SMARCA2: variants seen among roughly 807,000 people sequenced by gnomAD.
The protein encoded by SMARCA2 is SWI/SNF-related matrix-associated actin-dependent regulator of chromatin subfamily A member 2.
Under a neutral mutation model 199.8 loss-of-function variants are expected in SMARCA2, and 61 were observed. The ratio of observed to expected loss-of-function variants is 0.31; its 90% confidence interval spans 0.25 to 0.38. The LOEUF is 0.38. SMARCA2 is among the 10% of genes least tolerant of loss of function. The pLI, the probability that SMARCA2 is intolerant of heterozygous loss-of-function variation, is 1.00. For synonymous variants in SMARCA2, 935 were observed against 732.0 expected (o/e 1.28, Z -4.48); for missense variants, 1,344 against 2,012.2 (o/e 0.67, Z 6.35).
At chr9:2,127,040 AC>A (rs1823727446) in intron 27 of SMARCA2, among the ~76,000 whole-genome samples, 1 of 152,146 alleles carries the variant, frequency 6.6e-6, no homozygotes, top group South Asian at 2.1e-4. Context: ...TCTGGATTGA[AC>A]TTTTCTACCT....
At chr9:2,152,442 C>T (rs1453467014) in intron 27 of SMARCA2, among the ~76,000 whole-genome samples, 1 of 151,998 alleles carries the variant, frequency 6.6e-6, no homozygotes. Context: ...TGCCTGTAAT[C>T]CCAGCTACTT....
intron 16 of SMARCA2, among the ~76,000 whole-genome samples, chr9:2,083,632 AT>A (rs1342309961): frequency 6.6e-6 from 1 of 152,238 alleles, no homozygotes; most frequent in Non-Finnish European, 1.5e-5. Flanking sequence ...TAATTATCAT[AT>A]TGCAAGGTTT....
chr9:2,114,463 C>T lies in SMARCA2; in HGVS notation c.3457-1359C>T, dbSNP rs150833583. On this transcript the variant is annotated intron_variant, in intron 24 of 33. Transcript: ENST00000349721. ...TTGTCTGGTCAAGAAGACGGGTTTA[C>T]AGCTGTTGAGCATCAGCTCTCTGCA... Among the ~76,000 whole-genome samples the T allele has an allele frequency of 3.2e-3, 483 of 152,320 alleles. 1 individual carries two copies. Among genetic ancestry groups the T allele is most frequent in the Non-Finnish European group, 4.6e-3 (316 of 68,026 alleles).
rs781572572 is a variant in SMARCA2, at chr9:2,039,514, C to G, written c.404C>G (p.Ser135Cys). 1.2e-6 allele frequency: 2 copies of G among 1,614,156 alleles called. No individual in the cohort carries two copies. Among genetic ancestry groups the G allele is most frequent in the South Asian group, 1.1e-5 (1 of 91,078 alleles). Residue 135 changes from serine (S) to cysteine (C), a missense_variant, in exon 4 of 34, where the codon TCC (serine) becomes TGC (cysteine). Transcript: ENST00000349721. The surrounding 1 kb of genome is among the most constrained non-coding windows in gnomAD (Gnocchi z 4.8). Reference protein sequence around the residue: ...PSPLGAPEHVSSPMSGGGPTP... With the variant: ...PSPLGAPEHVCSPMSGGGPTP... ...CCATTAGGAGCCCCAGAGCACGTCT[C>G]CAGCCCTATGTCTGGAGGAGGCCCA...
intron 29 of SMARCA2, among the ~76,000 whole-genome samples, chr9:2,176,662 C>A (rs1230710287): frequency 6.6e-6 from 1 of 152,098 alleles, no homozygotes; most frequent in Non-Finnish European, 1.5e-5. Context: ...AGCGATCCTC[C>A]CACCTCAGCC....
At chr9:2,131,807 G>A (rs1823969787) in intron 27 of SMARCA2, among the ~76,000 whole-genome samples, 2 of 152,082 alleles carry the variant, frequency 1.3e-5, no homozygotes, top group South Asian at 4.2e-4. Flanking sequence ...GGGCGTGGTG[G>A]CGGGTGCCTG....
At position 2,169,182 on chromosome 9, in the gene SMARCA2, C is replaced by A. The variant is rs1826103011; in HGVS notation, c.4200-1237C>A. ...ACCCGTTCACCTGCCTCCTCACCCC[C>A]TGTCTTCCTGAGGCCCTTGCACTGC... On this transcript the variant is annotated intron_variant, in intron 28 of 33. Transcript: ENST00000349721. The surrounding 1 kb of genome is among the most constrained non-coding windows in gnomAD (Gnocchi z 6.5). Among the ~76,000 whole-genome samples, 1 of 152,200 alleles carries A rather than the reference C, an allele frequency of 6.6e-6. No individual in the cohort carries two copies. Among genetic ancestry groups the A allele is most frequent in the Non-Finnish European group, 1.5e-5 (1 of 68,036 alleles).
intron 5 of SMARCA2, among the ~76,000 whole-genome samples, chr9:2,053,166 A>G (rs1028616483): frequency 2.0e-5 from 3 of 151,948 alleles, no homozygotes; most frequent in Non-Finnish European, 1.5e-5. Context: ...TATTGTTGCC[A>G]TCTTTATGTC....
chr9:2,160,568 T>C (rs371471187), intron 27 of SMARCA2: 2 of 701,944 alleles, frequency 2.8e-6, no homozygotes, highest in East Asian at 2.7e-5. Context: ...TTGATTGTTA[T>C]ACTCACATGA....
chr9:2,116,021 C>T lies in SMARCA2; in HGVS notation c.3656C>T (p.Ala1219Val), dbSNP rs1206702590. The T allele has an allele frequency of 1.2e-6, 2 of 1,613,798 alleles. No homozygotes were observed. Among genetic ancestry groups the T allele is most frequent in the Non-Finnish European group, 1.7e-6 (2 of 1,179,738 alleles). Reference protein sequence around the residue: ...SSHERRAFLQAILEHEEENEE... With the variant: ...SSHERRAFLQVILEHEEENEE... ...CACGAGCGGAGGGCATTCCTGCAGG[C>T]CATCTTGGAGCATGAGGAGGAAAAT... Residue 1219 changes from alanine to valine, a missense_variant, in exon 25 of 34, where the codon GCC becomes GTC. By Grantham distance (64) the Ala-to-Val change is moderately conservative. Transcript: ENST00000349721.
intron 24 of SMARCA2, among the ~76,000 whole-genome samples, chr9:2,113,875 C>T (rs1411389132): frequency 6.6e-6 from 1 of 152,100 alleles, no homozygotes; most frequent in African/African-American, 2.4e-5. Context: ...CTGACCTGCC[C>T]CTTGTTTTTG....
At chr9:2,113,226 A>G (rs1040945329) in intron 24 of SMARCA2, among the ~76,000 whole-genome samples, 3 of 152,184 alleles carry the variant, frequency 2.0e-5, no homozygotes, top group African/African-American at 7.2e-5. Context: ...GACCCTACCT[A>G]GAAGCAAAGA....
chr9:2,160,426 TCCCAC>T, intron 27 of SMARCA2: 1 of 548,040 alleles, frequency 1.8e-6, no homozygotes, highest in Non-Finnish European at 3.2e-6. Flanking sequence ...TTTTTAAAAA[TCCCAC>T]TGGCATTTTT....
chr9:2,145,753 A>G (rs910823055), intron 27 of SMARCA2, among the ~76,000 whole-genome samples: 1 of 152,234 alleles, frequency 6.6e-6, no homozygotes, highest in Non-Finnish European at 1.5e-5. Context: ...CTGTTTTTAC[A>G]GTATCTAGTT....
At chr9:2,146,393 T>G (rs900816896) in intron 27 of SMARCA2, among the ~76,000 whole-genome samples, 2 of 152,260 alleles carry the variant, frequency 1.3e-5, no homozygotes, top group African/African-American at 4.8e-5. Flanking sequence ...TCAGGATGGG[T>G]AGGATCAGAT....
rs1474509454 is a variant in SMARCA2 at position 2,169,928 on chromosome 9, G to C, written c.4200-491G>C. Among the ~76,000 whole-genome samples the C allele has an allele frequency of 6.6e-6, 1 of 152,210 alleles. No individual in the cohort carries two copies. The highest frequency in any genetic ancestry group is 6.5e-5 in the Admixed American group (1 of 15,286). On this transcript the variant is annotated intron_variant, in intron 28 of 33. Transcript: ENST00000349721. The surrounding 1 kb of genome is among the most constrained non-coding windows in gnomAD (Gnocchi z 6.5). ...GAGCTGACTAGTTAGATGGTGTTCA[G>C]ACCCAAATTGGCTGATGCTTGGAAT...
chr9:2,097,250 T>C (rs1192653656), intron 20 of SMARCA2, 135 bp from the exon 21 acceptor site: 5 of 579,064 alleles, frequency 8.6e-6, no homozygotes, highest in African/African-American at 1.9e-5. Flanking sequence ...AAAGAAGCTT[T>C]GAACCACAAG....
At chr9:2,131,678 A>G (rs1823958965) in intron 27 of SMARCA2, among the ~76,000 whole-genome samples, 1 of 152,156 alleles carries the variant, frequency 6.6e-6, no homozygotes. Context: ...AAAGTTTAAC[A>G]AAGTAGAAAA....
chr9:2,134,382 C>G (rs759308127), intron 27 of SMARCA2, among the ~76,000 whole-genome samples: 1 of 152,192 alleles, frequency 6.6e-6, no homozygotes, highest in Non-Finnish European at 1.5e-5. Context: ...AACCCAAACT[C>G]GCTCGGCCAT....
Sources: allele counts gnomAD v4.1 joint callset (sites outside exome capture counted in the v4.1 genomes callset), GRCh38; gene constraint gnomAD v4.1.1; non-coding constraint Gnocchi (gnomAD v3.1); transcripts MANE v1.5; gene names NCBI Gene and HGNC (gene_info 2026-07-23, HGNC 2026-07-21).